TIMP2: variants seen among roughly 807,000 people sequenced by gnomAD.
TIMP2 encodes TIMP metallopeptidase inhibitor 2.
In TIMP2, 5 loss-of-function variants were observed where a neutral mutation model predicts 24.3. That is an observed-to-expected ratio of 0.21 (90% CI 0.11 to 0.43). The LOEUF (loss-of-function observed/expected upper bound fraction) is 0.43, where lower values mean the gene tolerates loss of function less well. Among genes scored for constraint, TIMP2 ranks in the 20% least tolerant of loss-of-function variants. TIMP2 has a pLI of 1.00. For synonymous variants in TIMP2, 130 were observed against 123.2 expected (o/e 1.06, Z -0.37); for missense variants, 221 against 297.5 (o/e 0.74, Z 1.89).
intron 3 of TIMP2, among the ~76,000 whole-genome samples, chr17:78,861,394 G>A (rs903402319): frequency 2.6e-5 from 4 of 152,184 alleles, no homozygotes; most frequent in Non-Finnish European, 5.9e-5. Context: ...AGTAAGGGCT[G>A]TGTCTTAACC....
chr17:78,880,658 C>T (rs969120490), intron 1 of TIMP2, among the ~76,000 whole-genome samples: 7 of 152,186 alleles, frequency 4.6e-5, no homozygotes, highest in Admixed American at 3.9e-4. Flanking sequence ...ATGAATGCAC[C>T]ACTGCACCTC....
intron 1 of TIMP2, among the ~76,000 whole-genome samples, chr17:78,912,584 G>C (rs1443804109): frequency 6.6e-6 from 1 of 152,206 alleles, no homozygotes; most frequent in Non-Finnish European, 1.5e-5. Context: ...TGAAGGCATT[G>C]CATCTTCAGC....
intron 1 of TIMP2, among the ~76,000 whole-genome samples, chr17:78,901,408 A>G (rs940953784): frequency 3.3e-5 from 5 of 152,170 alleles, no homozygotes; most frequent in Non-Finnish European, 5.9e-5. Context: ...TGAACGAGGG[A>G]GAGGTGTGTC....
At chr17:78,915,193 G>A (rs2070246015) in intron 1 of TIMP2, among the ~76,000 whole-genome samples, 1 of 151,898 alleles carries the variant, frequency 6.6e-6, no homozygotes. Flanking sequence ...CACTGCAACC[G>A]GCCCAGTCTG....
intron 2 of TIMP2, among the ~76,000 whole-genome samples, chr17:78,872,328 G>A (rs951559399): frequency 6.6e-6 from 1 of 151,998 alleles, no homozygotes; most frequent in East Asian, 1.9e-4. Flanking sequence ...TTGTCTACTT[G>A]ATGGCAATGA....
At chr17:78,897,170 G>A (rs183596236) in intron 1 of TIMP2, 34 of 188,496 alleles carry the variant, frequency 1.8e-4, no homozygotes, top group African/African-American at 4.7e-4. Flanking sequence ...CTGTGGCATC[G>A]GGGGGCGGGG....
At chr17:78,882,890 C>T (rs988605728) in intron 1 of TIMP2, among the ~76,000 whole-genome samples, 4 of 152,268 alleles carry the variant, frequency 2.6e-5, no homozygotes, top group Admixed American at 2.6e-4. Context: ...CAGCCGGGTG[C>T]CCTTGGTGGG....
At chr17:78,914,817 G>T (rs1017175635) in intron 1 of TIMP2, among the ~76,000 whole-genome samples, 8 of 151,748 alleles carry the variant, frequency 5.3e-5, no homozygotes, top group Admixed American at 1.3e-4. Context: ...GAACTCCTGG[G>T]CTCAAGTGAT....
intron 3 of TIMP2, among the ~76,000 whole-genome samples, chr17:78,860,202 C>CA (rs796876995): frequency 2.6e-5 from 4 of 151,444 alleles, no homozygotes; most frequent in Non-Finnish European, 4.4e-5. Context: ...AAAACAAAAA[C>CA]AAAAAAAACC....
At chr17:78,860,445 A>G (rs1261581043) in intron 3 of TIMP2, among the ~76,000 whole-genome samples, 1 of 152,232 alleles carries the variant, frequency 6.6e-6, no homozygotes, top group Non-Finnish European at 1.5e-5. Flanking sequence ...GGACTAATGC[A>G]GCTCATCGAC....
At position 78,925,306 on chromosome 17, in the gene TIMP2, G is replaced by T. The variant is rs546532019; in HGVS notation, c.-218C>A. Reference sequence around the variant, plus strand: ...AGGGGCGCGGGGCGCAATTCGCCGGGCGGGGCGGCGGGGTGGGGGGCGGCG... The same window carrying T: ...AGGGGCGCGGGGCGCAATTCGCCGGTCGGGGCGGCGGGGTGGGGGGCGGCG... On this transcript the variant is annotated 5_prime_UTR_variant, in exon 1 of 5. Coordinates refer to ENST00000262768, the MANE Select transcript of TIMP2 (RefSeq NM_003255.5). The T allele has an allele frequency of 9.4e-5, 14 of 149,450 alleles. No individual in the cohort carries two copies. In the South Asian group the frequency reaches 2.5e-3, roughly 27 times the overall value. The allele number at this position is 149,450 out of a possible 1,614,324, so 9.3% of individuals were successfully genotyped here.
rs111649218 is a variant in TIMP2 at position 78,901,288 on chromosome 17, G to A, written c.130+23671C>T. Reference sequence around the variant, plus strand: ...AATGGCCAATTTGATCATGTCACGGGATAAAGTTTCAAAATCAATAAAACC... The same window carrying A: ...AATGGCCAATTTGATCATGTCACGGAATAAAGTTTCAAAATCAATAAAACC... On this transcript the variant is annotated intron_variant, in intron 1 of 4. Transcript: ENST00000262768. 325 of 157,482 alleles carry A rather than the reference G, an allele frequency of 2.1e-3. 2 individuals are homozygous for A. Among genetic ancestry groups the A allele is most frequent in the African/African-American group, 7.5e-3 (311 of 41,580 alleles). 9.8% of individuals were successfully genotyped at this position (157,482 alleles called of 1,614,324 possible).
chr17:78,866,876 G>C (rs2069621576), intron 3 of TIMP2, among the ~76,000 whole-genome samples: 1 of 152,112 alleles, frequency 6.6e-6, no homozygotes, highest in African/African-American at 2.4e-5. Flanking sequence ...GCTGGGGGAG[G>C]GGGAGGGGAG....
chr17:78,916,943 T>G (rs1056048727), intron 1 of TIMP2, among the ~76,000 whole-genome samples: 1 of 152,166 alleles, frequency 6.6e-6, no homozygotes, highest in Non-Finnish European at 1.5e-5. Flanking sequence ...ATCTCAACAG[T>G]GTCCTAACCT....
At chr17:78,863,538 G>T (rs1244802790) in intron 3 of TIMP2, among the ~76,000 whole-genome samples, 1 of 152,160 alleles carries the variant, frequency 6.6e-6, no homozygotes, top group East Asian at 1.9e-4. Context: ...CACTGCGCTG[G>T]GCTGTTTTTA....
intron 1 of TIMP2, among the ~76,000 whole-genome samples, chr17:78,890,403 T>C (rs1236748935): frequency 1.3e-5 from 2 of 152,266 alleles, no homozygotes; most frequent in Non-Finnish European, 2.9e-5. Flanking sequence ...GGTTTCGCCA[T>C]GTTGGCCAGG....
intron 1 of TIMP2, among the ~76,000 whole-genome samples, chr17:78,874,611 G>T (rs2009186): frequency 0.75 from 114,331 of 152,048 alleles, 43,208 homozygotes; most frequent in Middle Eastern, 0.81. Flanking sequence ...GGAGTCTCGC[G>T]CTGTTGCCCA....
chr17:78,892,259 A>G, intron 1 of TIMP2: 1 of 1,550,764 alleles, frequency 6.4e-7, no homozygotes, highest in South Asian at 1.2e-5. Context: ...GGCTTGTAGC[A>G]ATTTGTGCTT....
In TIMP2 at chr17:78,854,933, G is replaced by GGGGGGGGGGGGGA. The variant is rs2069512830; in HGVS notation, c.*733_*734insTCCCCCCCCCCCC. The GGGGGGGGGGGGGA allele has an allele frequency of 1.2e-5, 1 of 85,508 alleles. No individual in the cohort carries two copies. The highest frequency in any genetic ancestry group is 2.4e-5 in the Non-Finnish European group (1 of 42,282). The allele number at this position is 85,508 out of a possible 1,614,324, so 5.3% of individuals were successfully genotyped here. ...GGGAGCATGTGGGCGGGGGGGGGGG[G>GGGGGGGGGGGGGA]GTGGGGGGGTGGGTGCAGACCAAAA... On this transcript the variant is annotated 3_prime_UTR_variant, in exon 5 of 5. Coordinates refer to ENST00000262768, the MANE Select transcript of TIMP2 (RefSeq NM_003255.5).
Sources: allele counts gnomAD v4.1 joint callset (sites outside exome capture counted in the v4.1 genomes callset), GRCh38; gene constraint gnomAD v4.1.1; transcripts MANE v1.5; gene names NCBI Gene and HGNC (gene_info 2026-07-23, HGNC 2026-07-21).